Variants in DOCK5 observed in about 807,000 individuals in gnomAD.
DOCK5 encodes the protein dedicator of cytokinesis 5.
In DOCK5, 142 loss-of-function variants were observed where a neutral mutation model predicts 251.8. That is an observed-to-expected ratio of 0.56 (90% confidence interval 0.49 to 0.65). DOCK5 has a LOEUF of 0.65. DOCK5 is among the 30% of genes least tolerant of loss of function. The pLI is 0.00. For synonymous variants in DOCK5, 842 were observed against 835.5 expected (o/e 1.01, Z -0.13); for missense variants, 2,111 against 2,312.3 (o/e 0.91, Z 1.79).
intron 44 of DOCK5, among the ~76,000 whole-genome samples, chr8:25,394,541 G>A (rs1369859087): frequency 8.9e-6 from 1 of 112,178 alleles, no homozygotes; most frequent in Non-Finnish European, 2.2e-5. Flanking sequence ...TGGCCTCCAA[G>A]ATCACTTACC....
At chr8:25,326,929 C>A (rs146604896) in intron 18 of DOCK5, among the ~76,000 whole-genome samples, 1 of 152,154 alleles carries the variant, frequency 6.6e-6, no homozygotes, top group Non-Finnish European at 1.5e-5. Context: ...GTGAAGGACA[C>A]GGTGAACTTT....
chr8:25,226,608 GA>G, intron 1 of DOCK5, among the ~76,000 whole-genome samples: 2 of 142,608 alleles, frequency 1.4e-5, no homozygotes, highest in African/African-American at 5.7e-5. Context: ...TTTTTCGAGA[GA>G]GAGTCTCGCT....
intron 1 of DOCK5, among the ~76,000 whole-genome samples, chr8:25,238,908 G>A (rs1052435216): frequency 6.6e-6 from 1 of 152,094 alleles, no homozygotes; most frequent in African/African-American, 2.4e-5. Context: ...GTGTAACGAG[G>A]GCCCCAATCA....
intron 1 of DOCK5, among the ~76,000 whole-genome samples, chr8:25,233,792 A>G (rs1353378903): frequency 6.6e-6 from 1 of 152,234 alleles, no homozygotes; most frequent in Admixed American, 6.5e-5. Context: ...TTTTATAAGT[A>G]CATAGTAGGT....
intron 6 of DOCK5, among the ~76,000 whole-genome samples, chr8:25,292,911 G>A (rs182175939): frequency 2.8e-4 from 43 of 152,292 alleles, no homozygotes; most frequent in African/African-American, 1.0e-3. Context: ...TCTATGGTGT[G>A]TGAAAAGCAG....
chr8:25,378,536 A>G (rs1801003472), intron 38 of DOCK5, among the ~76,000 whole-genome samples: 2 of 152,336 alleles, frequency 1.3e-5, no homozygotes, highest in South Asian at 2.1e-4. Context: ...ACAATGGAAC[A>G]TAGCACCTTG....
chr8:25,213,885 TC>T (rs1802164472), intron 1 of DOCK5, among the ~76,000 whole-genome samples: 1 of 152,194 alleles, frequency 6.6e-6, no homozygotes, highest in African/African-American at 2.4e-5. Context: ...AGGTTGTGTG[TC>T]CCTTATGGAA....
chr8:25,244,420 A>G (rs17053230), intron 2 of DOCK5, among the ~76,000 whole-genome samples: 8,410 of 152,262 alleles, frequency 0.055, 539 homozygotes, highest in African/African-American at 0.16. Flanking sequence ...CTTCCTCCAT[A>G]TATCCACATT....
chr8:25,247,220 T>A (rs1192314352), intron 2 of DOCK5, among the ~76,000 whole-genome samples: 1 of 152,072 alleles, frequency 6.6e-6, no homozygotes, highest in Admixed American at 6.6e-5. Context: ...TTTCTTCAAA[T>A]TTTTTTTCAT....
At chr8:25,315,639 C>T (rs538130092) in intron 13 of DOCK5, among the ~76,000 whole-genome samples, 7 of 152,302 alleles carry the variant, frequency 4.6e-5, no homozygotes, top group African/African-American at 1.7e-4. Context: ...TTATAAACAC[C>T]GCAATGAATA....
chr8:25,219,758 A>G (rs1456294108), intron 1 of DOCK5, among the ~76,000 whole-genome samples: 3 of 151,030 alleles, frequency 2.0e-5, no homozygotes, highest in Non-Finnish European at 4.4e-5. Context: ...GTCCCCTTCA[A>G]CTGTGACCTG....
At chr8:25,310,350 G>A (rs572784739) in intron 12 of DOCK5, 57 bp from the exon 13 acceptor site, 16 of 1,513,710 alleles carry the variant, frequency 1.1e-5, no homozygotes, top group African/African-American at 5.6e-5. Flanking sequence ...CACCAGTTAC[G>A]CATGTGTTTT....
At chr8:25,294,803 C>T (rs1182411108) in intron 6 of DOCK5, among the ~76,000 whole-genome samples, 3 of 152,126 alleles carry the variant, frequency 2.0e-5, no homozygotes, top group South Asian at 4.1e-4. Flanking sequence ...CCTCAGGAAA[C>T]ACAATCATGG....
chr8:25,246,193 G>T (rs1325292035), intron 2 of DOCK5, among the ~76,000 whole-genome samples: 4 of 152,122 alleles, frequency 2.6e-5, no homozygotes, highest in Non-Finnish European at 5.9e-5. Flanking sequence ...TTCAATTTTT[G>T]TCCTCCTGGC....
chr8:25,250,767 A>G (rs945066526), intron 2 of DOCK5, among the ~76,000 whole-genome samples: 2 of 152,198 alleles, frequency 1.3e-5, no homozygotes, highest in Admixed American at 1.3e-4. Context: ...TGTGCTTACA[A>G]ATGCTATGGG....
chr8:25,400,149 G>A (rs1361468074), intron 46 of DOCK5, among the ~76,000 whole-genome samples, 155 bp downstream of exon 46: 5 of 151,968 alleles, frequency 3.3e-5, no homozygotes, highest in Non-Finnish European at 5.9e-5. Context: ...TTGTTTGCTC[G>A]GCCGGCAGTT....
chr8:25,233,239 C>T (rs1188968808), intron 1 of DOCK5, among the ~76,000 whole-genome samples: 1 of 152,194 alleles, frequency 6.6e-6, no homozygotes. Context: ...CCCTGCATTG[C>T]CTGCTGTTCA....
chr8:25,320,733 C>T (rs1412260436), intron 15 of DOCK5, among the ~76,000 whole-genome samples: 1 of 152,208 alleles, frequency 6.6e-6, no homozygotes, highest in African/African-American at 2.4e-5. Context: ...ATTACTGTTT[C>T]TTACTTCAGA....
intron 5 of DOCK5, among the ~76,000 whole-genome samples, chr8:25,280,413 G>A (rs1407890257): frequency 2.0e-5 from 3 of 152,126 alleles, no homozygotes; most frequent in Non-Finnish European, 2.9e-5. Flanking sequence ...GCTAATTTTG[G>A]CATAACTTAT....
Sources: allele counts gnomAD v4.1 joint callset (sites outside exome capture counted in the v4.1 genomes callset), GRCh38; gene constraint gnomAD v4.1.1; transcripts MANE v1.5; gene names NCBI Gene and HGNC (gene_info 2026-07-23, HGNC 2026-07-21).